Variants in PHACTR1 observed in about 807,000 individuals in gnomAD.
PHACTR1 encodes RPEL repeat containing 1.
Under a neutral mutation model 69.2 loss-of-function variants are expected in PHACTR1, and 16 were observed. The observed-to-expected ratio is 0.23, with a 90% CI of 0.16 to 0.35. The LOEUF (loss-of-function observed/expected upper bound fraction) is 0.35, where lower values mean the gene tolerates loss of function less well. Among genes scored for constraint, PHACTR1 ranks in the 10% least tolerant of loss-of-function variants. The probability of loss-of-function intolerance (pLI) is 1.00; values close to 1 mark genes in which losing one functional copy is unlikely to be tolerated. For synonymous variants in PHACTR1, 312 were observed against 284.5 expected, an observed-to-expected ratio of 1.10 and a Z score of -0.97; for missense variants, 510 against 734.7, an observed-to-expected ratio of 0.69 and a Z score of 3.54.
intron 4 of PHACTR1, among the ~76,000 whole-genome samples, chr6:13,027,914 T>A (rs1274151271): frequency 1.3e-5 from 2 of 152,134 alleles, no homozygotes; most frequent in African/African-American, 4.8e-5. Context: ...TGACCTCAGG[T>A]GATCCACCCG....
intron 5 of PHACTR1, among the ~76,000 whole-genome samples, chr6:13,077,102 AT>A (rs1366895877): frequency 8.9e-4 from 135 of 150,984 alleles, no homozygotes; most frequent in African/African-American, 3.0e-3. Flanking sequence ...AAAAAAAAAA[AT>A]AAAGTACAAA....
intron 4 of PHACTR1, among the ~76,000 whole-genome samples, chr6:12,864,387 A>G (rs1781241390): frequency 6.6e-6 from 1 of 152,190 alleles, no homozygotes; most frequent in Non-Finnish European, 1.5e-5. Context: ...CATGTAATTA[A>G]GAGGAAAATC....
At chr6:12,885,757 C>A (rs1440881605) in intron 4 of PHACTR1, among the ~76,000 whole-genome samples, 1 of 152,188 alleles carries the variant, frequency 6.6e-6, no homozygotes, top group East Asian at 1.9e-4. Context: ...CTAGCGATGG[C>A]AGGCACACGG....
intron 7 of PHACTR1, among the ~76,000 whole-genome samples, chr6:13,193,357 G>GTGTATATA (rs536184609): frequency 7.3e-5 from 5 of 68,162 alleles, no homozygotes; most frequent in South Asian, 4.1e-4. Flanking sequence ...AGCTCTCTGT[G>GTGTATATA]TATATATATA....
rs1482366481 is a variant in PHACTR1, at chr6:13,054,694, C to A, written c.415+1165C>A. Among the ~76,000 whole-genome samples the A allele has an allele frequency of 2.6e-5, 4 of 152,216 alleles. 1 individual carries two copies. Among genetic ancestry groups the A allele is most frequent in the South Asian group, 4.1e-4 (2 of 4,836 alleles). On this transcript the variant is annotated intron_variant, in intron 5 of 14. Transcript: ENST00000332995. ...AATTCCATCATGAGTGCCCTACCTG[C>A]ATGACCTCATCTAATCCTAATCACC...
chr6:12,982,583 G>T (rs986780847), intron 4 of PHACTR1, among the ~76,000 whole-genome samples: 1 of 152,198 alleles, frequency 6.6e-6, no homozygotes, highest in Non-Finnish European at 1.5e-5. Context: ...GGAGGCTGAG[G>T]CAGAGAATCG....
intron 4 of PHACTR1, among the ~76,000 whole-genome samples, chr6:12,810,914 C>T (rs1483308130): frequency 4.6e-5 from 7 of 152,200 alleles, no homozygotes; most frequent in African/African-American, 7.2e-5. Context: ...CCCAGTTGCC[C>T]ATGAGTATCA....
chr6:13,071,999 G>C (rs1809611406), intron 5 of PHACTR1, among the ~76,000 whole-genome samples: 1 of 152,176 alleles, frequency 6.6e-6, no homozygotes, highest in Non-Finnish European at 1.5e-5. Flanking sequence ...ATGAAAAAAA[G>C]GTTATACAAT....
chr6:13,182,796 G>T, intron 7 of PHACTR1, 110 bp downstream of exon 7: 1 of 1,078,628 alleles, frequency 9.3e-7, no homozygotes, highest in Non-Finnish European at 1.3e-6. Context: ...TATCCTGAGC[G>T]TAAGGATCTG....
intron 6 of PHACTR1, among the ~76,000 whole-genome samples, chr6:13,162,139 G>T (rs111650175): frequency 2.3e-3 from 349 of 151,732 alleles, no homozygotes; most frequent in African/African-American, 8.0e-3. Context: ...TCCCTCTGTC[G>T]CCCAGGCTGG....
intron 4 of PHACTR1, among the ~76,000 whole-genome samples, chr6:12,816,967 G>C (rs868586025): frequency 6.6e-6 from 1 of 152,174 alleles, no homozygotes; most frequent in Non-Finnish European, 1.5e-5. Context: ...CTACAGAAGG[G>C]AGAGGAAGAA....
chr6:13,211,949 A>G (rs1766912298), intron 8 of PHACTR1, among the ~76,000 whole-genome samples: 1 of 152,162 alleles, frequency 6.6e-6, no homozygotes, highest in East Asian at 1.9e-4. Context: ...GACTTAGATG[A>G]CAGAAATTTA....
intron 4 of PHACTR1, among the ~76,000 whole-genome samples, chr6:12,846,123 A>C (rs1288382553): frequency 2.6e-5 from 4 of 152,306 alleles, no homozygotes; most frequent in Admixed American, 2.6e-4. Flanking sequence ...TAACATGAAG[A>C]CTTTCGCTCT....
chr6:12,742,696 T>C (rs183138340), intron 3 of PHACTR1, among the ~76,000 whole-genome samples: 16 of 152,210 alleles, frequency 1.1e-4, no homozygotes, highest in African/African-American at 3.9e-4. Flanking sequence ...CTAAGGGTTA[T>C]AGAAAGACAA....
chr6:12,876,984 C>A (rs550425876), intron 4 of PHACTR1, among the ~76,000 whole-genome samples: 1 of 152,274 alleles, frequency 6.6e-6, no homozygotes, highest in South Asian at 2.1e-4. Flanking sequence ...AGAGGGGATG[C>A]AAGTTCCTCC....
intron 4 of PHACTR1, among the ~76,000 whole-genome samples, chr6:12,836,644 C>A (rs1778198047): frequency 6.6e-6 from 1 of 152,182 alleles, no homozygotes; most frequent in Non-Finnish European, 1.5e-5. Context: ...CCTAAGCCTG[C>A]AGCACATTCA....
At chr6:13,241,892 G>C (rs1279338079) in intron 10 of PHACTR1, among the ~76,000 whole-genome samples, 1 of 151,880 alleles carries the variant, frequency 6.6e-6, no homozygotes, top group Non-Finnish European at 1.5e-5. Flanking sequence ...ACCTAGCCAG[G>C]TGTGGTGGCA....
At chr6:13,104,903 A>G (rs991272524) in intron 5 of PHACTR1, among the ~76,000 whole-genome samples, 2 of 152,216 alleles carry the variant, frequency 1.3e-5, no homozygotes, top group East Asian at 1.9e-4. Context: ...TTGTGTCAGA[A>G]TCTTAAAGTT....
chr6:12,859,918 C>T (rs753528926), intron 4 of PHACTR1, among the ~76,000 whole-genome samples: 2 of 152,114 alleles, frequency 1.3e-5, no homozygotes, highest in Non-Finnish European at 2.9e-5. Context: ...AGCTAGGCGG[C>T]ACCAACCCCA....
Sources: allele counts gnomAD v4.1 joint callset (sites outside exome capture counted in the v4.1 genomes callset), GRCh38; gene constraint gnomAD v4.1.1; transcripts MANE v1.5; gene names NCBI Gene and HGNC (gene_info 2026-07-23, HGNC 2026-07-21).